Variants in HMGB1 observed in about 807,000 individuals in gnomAD.
HMGB1 encodes the protein high mobility group box 1.
For missense variants in HMGB1, 79 were observed against 253.5 expected (o/e 0.31, Z 4.67); for synonymous variants, 81 against 84.0 (o/e 0.96, Z 0.19).
Position 30,463,576 on chromosome 13 carries a change from T to G in HMGB1, c.105A>C (p.Ser35=), listed in dbSNP as rs1041840618. The stretch of plus-strand genomic sequence containing the variant: ...TCTTAGAAAACTCTGAGAAGTTGAC[T>G]GAAGCATCTGGGTGCTTCTTCTTAT... ...EEHKKKHPDA[S]VNFSEFSKKC... The change falls in exon 2 of 5, where the codon TCA becomes TCC. Residue 35 remains serine (S), a synonymous_variant. Transcript: ENST00000341423. The G allele has an allele frequency of 6.8e-6, 11 of 1,611,406 alleles. No individual in the cohort carries two copies. Among genetic ancestry groups the G allele is most frequent in the African/African-American group, 1.3e-5 (1 of 75,024 alleles).
intron 1 of HMGB1, among the ~76,000 whole-genome samples, chr13:30,585,269 G>A (rs1871093972): frequency 6.6e-6 from 1 of 152,192 alleles, no homozygotes. Flanking sequence ...GCCCTGGGTA[G>A]CCCGCGCCAC....
intron 1 of HMGB1, among the ~76,000 whole-genome samples, chr13:30,599,779 C>T (rs188711117): frequency 6.6e-6 from 1 of 152,234 alleles, no homozygotes; most frequent in East Asian, 1.9e-4. Flanking sequence ...CACCTTTTTA[C>T]GGCCCTGTGT....
intron 1 of HMGB1, 27 bp from the exon 2 acceptor site, chr13:30,463,721 T>G (rs1045296681): frequency 7.0e-7 from 1 of 1,430,164 alleles, no homozygotes; most frequent in South Asian, 1.3e-5. Flanking sequence ...ATATTTGATG[T>G]TAGCAATAAA....
At chr13:30,610,639 G>A (rs1378016633) in intron 1 of HMGB1, among the ~76,000 whole-genome samples, 2 of 152,110 alleles carry the variant, frequency 1.3e-5, no homozygotes, top group African/African-American at 2.4e-5. Context: ...GTGAAACTGA[G>A]CCTCAGGGAG....
chr13:30,466,729 A>C (rs1180189309), upstream of HMGB1, among the ~76,000 whole-genome samples: 1 of 152,186 alleles, frequency 6.6e-6, no homozygotes, highest in East Asian at 1.9e-4. Context: ...AAATCAAATA[A>C]TTATTCCATG....
At chr13:30,570,596 A>G (rs1156508698) in intron 1 of HMGB1, among the ~76,000 whole-genome samples, 1 of 152,218 alleles carries the variant, frequency 6.6e-6, no homozygotes, top group Non-Finnish European at 1.5e-5. Context: ...ATCTTTCTAC[A>G]TGGTACACTT....
intron 4 of HMGB1, among the ~76,000 whole-genome samples, chr13:30,461,962 T>C (rs1886369954): frequency 6.6e-6 from 1 of 152,168 alleles, no homozygotes. Context: ...TCAATAAACA[T>C]GCAATTAGGT....
intron 1 of HMGB1, among the ~76,000 whole-genome samples, chr13:30,531,601 C>T (rs1224593825): frequency 6.6e-6 from 1 of 151,210 alleles, no homozygotes; most frequent in Non-Finnish European, 1.5e-5. Context: ...CACACATGCT[C>T]ATTGTAAAAT....
intron 1 of HMGB1, among the ~76,000 whole-genome samples, chr13:30,475,225 CTT>C (rs371643884): frequency 6.5e-5 from 6 of 92,514 alleles, no homozygotes; most frequent in Admixed American, 2.6e-4. Context: ...CTCTCTCTCT[CTT>C]TTTTTTTTTT....
At chr13:30,551,455 T>C (rs1446257438) in intron 1 of HMGB1, among the ~76,000 whole-genome samples, 2 of 152,232 alleles carry the variant, frequency 1.3e-5, no homozygotes, top group Admixed American at 1.3e-4. Context: ...CTATAGAACC[T>C]GTAACCTTAA....
intron 1 of HMGB1, among the ~76,000 whole-genome samples, chr13:30,587,457 G>C (rs1871201218): frequency 6.6e-6 from 1 of 152,162 alleles, no homozygotes; most frequent in Non-Finnish European, 1.5e-5. Context: ...AAGTAGCTGG[G>C]ACTACAGGTC....
chr13:30,464,625 G>GC lies in HMGB1; in HGVS notation c.-14-932dup, dbSNP rs1001258626. ...TTTGTCAGGCTCGGCGCAGGGAGAA[G>GC]CCCCGCTCGAAATGGGGGCTGGCTC... On this transcript the variant is annotated intron_variant, in intron 1 of 4. Transcript: ENST00000341423. The GC allele has an allele frequency of 6.1e-6, 6 of 983,942 alleles. No homozygotes were observed. The Admixed American group carries it at 3.7e-4, about 61-fold the overall frequency. The allele number at this position is 983,942 out of a possible 1,614,324, so 61.0% of individuals were successfully genotyped here.
intron 1 of HMGB1, among the ~76,000 whole-genome samples, chr13:30,486,911 G>T (rs922566487): frequency 1.3e-5 from 2 of 152,198 alleles, no homozygotes; most frequent in African/African-American, 2.4e-5. Context: ...AGTGCTGCCC[G>T]AGGGACTGCA....
intron 1 of HMGB1, among the ~76,000 whole-genome samples, chr13:30,578,365 G>GTT (rs1475312645): frequency 1.3e-4 from 9 of 67,068 alleles, no homozygotes; most frequent in African/African-American, 2.9e-4. Flanking sequence ...ACCAGTTCTT[G>GTT]TTCTTTTTTT....
At chr13:30,528,901 C>T (rs1888432772) in intron 1 of HMGB1, among the ~76,000 whole-genome samples, 1 of 151,794 alleles carries the variant, frequency 6.6e-6, no homozygotes, top group South Asian at 2.1e-4. Context: ...TGGTGGCGGG[C>T]GCCTCTAGTC....
chr13:30,497,789 TC>T (rs1887643767), intron 1 of HMGB1, among the ~76,000 whole-genome samples: 1 of 152,322 alleles, frequency 6.6e-6, no homozygotes, highest in Admixed American at 6.5e-5. Flanking sequence ...ATGATCTTAT[TC>T]TTTTTTATGG....
At chr13:30,563,603 G>C (rs1870058307) in intron 1 of HMGB1, among the ~76,000 whole-genome samples, 1 of 152,160 alleles carries the variant, frequency 6.6e-6, no homozygotes, top group Non-Finnish European at 1.5e-5. Flanking sequence ...CACTGAGAGA[G>C]ACTCTGTCTC....
chr13:30,606,533 T>C (rs1305033446), intron 1 of HMGB1, among the ~76,000 whole-genome samples: 1 of 152,212 alleles, frequency 6.6e-6, no homozygotes, highest in Admixed American at 6.5e-5. Flanking sequence ...CTTCCCTGAT[T>C]AGCAAAATAG....
At chr13:30,464,516 G>T in intron 1 of HMGB1, 1 of 978,368 alleles carries the variant, frequency 1.0e-6, no homozygotes, top group Non-Finnish European at 1.2e-6. Flanking sequence ...CGGCCGAGGA[G>T]AGAGGACGCG....
Sources: gnomAD v4.1 joint callset for allele counts (sites outside exome capture counted in the v4.1 genomes callset) on GRCh38, gnomAD v4.1.1 for gene constraint, MANE v1.5 for transcripts, NCBI Gene and HGNC (gene_info 2026-07-23, HGNC 2026-07-21) for gene names.